The following TBX15 variants were observed in gnomAD, a reference collection of about 807,000 sequenced individuals.
TBX15 encodes the protein T-box transcription factor 15.
Under a neutral mutation model 53.9 loss-of-function variants are expected in TBX15, and 18 were observed. The ratio of observed to expected loss-of-function variants is 0.33; its 90% CI spans 0.23 to 0.49. The LOEUF is 0.49. TBX15 is among the 20% of genes least tolerant of loss of function. TBX15 has a pLI of 0.98. For missense variants in TBX15, 692 were observed against 749.5 expected (o/e 0.92, Z 0.90); for synonymous variants, 295 against 278.0 (o/e 1.06, Z -0.61).
rs954749150 is a variant in TBX15 at position 118,885,238 on chromosome 1, A to C, written c.1303T>G (p.Ser435Ala). The C allele has an allele frequency of 6.2e-7, 1 of 1,614,130 alleles. No individual in the cohort carries two copies. The highest frequency in any genetic ancestry group is 8.5e-7 in the Non-Finnish European group (1 of 1,180,046). ...QSGTTSATQP[S>A]ETFMPQRTPS... is the part of the protein sequence containing the mutation. ...GTCCTCTGAGGCATGAAGGTTTCAGAGGGCTGAGTGGCTGAAGTGGTGCCA... is the reference window on the plus strand; with the variant it reads ...GTCCTCTGAGGCATGAAGGTTTCAGCGGGCTGAGTGGCTGAAGTGGTGCCA... Residue 435 changes from serine to alanine, a missense_variant, in exon 8 of 8, where the codon TCT (serine) becomes GCT (alanine). By Grantham distance (99) the Ser-to-Ala change is moderately conservative (BLOSUM62 1). Transcript: ENST00000369429.
intron 1 of TBX15, among the ~76,000 whole-genome samples, chr1:118,945,485 G>C (rs532861587): frequency 6.6e-6 from 1 of 152,058 alleles, no homozygotes; most frequent in Non-Finnish European, 1.5e-5. Flanking sequence ...CAATCTGATA[G>C]GTCACAGGAG....
At chr1:118,940,049 T>C (rs1656118394) in intron 1 of TBX15, among the ~76,000 whole-genome samples, 1 of 151,976 alleles carries the variant, frequency 6.6e-6, no homozygotes. Context: ...CTTTTCATTA[T>C]ACTCTGTTGC....
At chr1:118,889,801 T>TA (rs1443412203) in intron 7 of TBX15, among the ~76,000 whole-genome samples, 11 of 101,656 alleles carry the variant, frequency 1.1e-4, no homozygotes, top group Admixed American at 5.1e-4. Context: ...AGGCATTAAT[T>TA]TAAAAAAAAA....
chr1:118,883,923 C>G lies in TBX15; in HGVS notation c.*809G>C, dbSNP rs1653821227. On this transcript the variant is annotated 3_prime_UTR_variant, in exon 8 of 8. Coordinates refer to ENST00000369429, the MANE Select transcript of TBX15 (RefSeq NM_001330677.2). ...CATTGCTCACACTTTCTCTGTCAGT[C>G]TTGCTCTCCACCTCGTTCCTGTTCT... 6.5e-6 allele frequency: 1 copy of G among 152,752 alleles called. No homozygotes were observed. Among genetic ancestry groups the G allele is most frequent in the African/African-American group, 2.4e-5 (1 of 41,452 alleles). The allele number at this position is 152,752 out of a possible 1,614,324, so 9.5% of individuals were successfully genotyped here.
intron 1 of TBX15, among the ~76,000 whole-genome samples, chr1:118,984,611 G>C (rs973070797): frequency 8.5e-5 from 13 of 152,216 alleles, no homozygotes; most frequent in African/African-American, 3.1e-4. Flanking sequence ...GGGAGAGCAG[G>C]CTCGAGAGCC....
intron 5 of TBX15, among the ~76,000 whole-genome samples, chr1:118,920,142 G>A (rs556625157): frequency 2.0e-5 from 3 of 152,236 alleles, no homozygotes; most frequent in South Asian, 4.1e-4. Context: ...TCCCAACTTC[G>A]TGTTTTCTAC....
At chr1:118,982,488 C>A (rs1328837310) in intron 1 of TBX15, among the ~76,000 whole-genome samples, 1 of 152,188 alleles carries the variant, frequency 6.6e-6, no homozygotes, top group African/African-American at 2.4e-5. Flanking sequence ...TTGTCCCTTT[C>A]TCCTTGTGGC....
intron 1 of TBX15, among the ~76,000 whole-genome samples, chr1:118,950,011 T>A (rs2101653716): frequency 6.6e-6 from 1 of 152,334 alleles, no homozygotes; most frequent in East Asian, 1.9e-4. Context: ...CTGAGATACA[T>A]TTGCATTTAA....
rs904567494 is a variant in TBX15 at position 118,980,347 on chromosome 1, T to C, written c.205+7244A>G. Among the ~76,000 whole-genome samples the C allele has an allele frequency of 3.9e-5, 6 of 152,120 alleles. No homozygotes were observed. In the East Asian group the frequency reaches 1.2e-3, roughly 29 times the overall value. ...CTAAAAGCTAAAAAAACTCCAAGGC[T>C]CCGGGCTAGGTCTATAATAATGACC... On this transcript the variant is annotated intron_variant, in intron 1 of 7. Coordinates refer to ENST00000369429, the MANE Select transcript of TBX15 (RefSeq NM_001330677.2).
intron 2 of TBX15, 122 bp downstream of exon 2, chr1:118,931,497 A>G (rs1193272495): frequency 2.0e-6 from 2 of 992,894 alleles, no homozygotes; most frequent in African/African-American, 1.6e-5. Context: ...AATGCAGAGA[A>G]GTGAGTGCAA....
chr1:118,920,985 G>A (rs533016370), intron 5 of TBX15, among the ~76,000 whole-genome samples: 1 of 152,002 alleles, frequency 6.6e-6, no homozygotes, highest in South Asian at 2.1e-4. Context: ...GACTAGCCTG[G>A]GCAACAAAAT....
In TBX15 at chr1:118,931,692, C is replaced by G; in HGVS notation, c.346G>C (p.Glu116Gln). ...TTCCAGAGGTCAGCACATTGCAGCT[C>G]CACCTGAATCTCCTCCATGGAAGAC... Reference protein sequence around the residue: ...AMSSMEEIQVELQCADLWKRF... With the variant: ...AMSSMEEIQVQLQCADLWKRF... Residue 116 changes from glutamate to glutamine, a missense_variant, in exon 2 of 8, where the codon GAG (glutamate) becomes CAG (glutamine). Coordinates refer to ENST00000369429, the MANE Select transcript of TBX15 (RefSeq NM_001330677.2). The G allele has an allele frequency of 6.2e-7, 1 of 1,614,088 alleles. No individual in the cohort carries two copies. Among genetic ancestry groups the G allele is most frequent in the Non-Finnish European group, 8.5e-7 (1 of 1,179,972 alleles).
chr1:118,910,046 A>T (rs536828271), intron 6 of TBX15, among the ~76,000 whole-genome samples: 101 of 152,270 alleles, frequency 6.6e-4, no homozygotes, highest in African/African-American at 2.2e-3. Flanking sequence ...AGACTCTCAT[A>T]GGCATTTGAG....
chr1:118,979,025 G>C (rs904628539), intron 1 of TBX15, among the ~76,000 whole-genome samples: 9 of 152,086 alleles, frequency 5.9e-5, no homozygotes, highest in African/African-American at 2.2e-4. Flanking sequence ...CTAGCCCCTA[G>C]GTTTACAATT....
At chr1:118,940,393 A>T (rs144212904) in intron 1 of TBX15, among the ~76,000 whole-genome samples, 1 of 151,984 alleles carries the variant, frequency 6.6e-6, no homozygotes. Flanking sequence ...ACTGAAGATC[A>T]CTGTCAATGT....
chr1:118,924,529 A>G, intron 4 of TBX15, 117 bp downstream of exon 4: 1 of 1,214,832 alleles, frequency 8.2e-7, no homozygotes. Context: ...ACTTAAAATT[A>G]CTTAAAGTGG....
At chr1:118,921,981 G>A (rs1176954458) in intron 5 of TBX15, among the ~76,000 whole-genome samples, 1 of 152,196 alleles carries the variant, frequency 6.6e-6, no homozygotes, top group African/African-American at 2.4e-5. Flanking sequence ...AGTATAGTTA[G>A]GTAACAGCTC....
At chr1:118,892,247 G>A (rs1362771022) in intron 7 of TBX15, among the ~76,000 whole-genome samples, 1 of 152,128 alleles carries the variant, frequency 6.6e-6, no homozygotes, top group Non-Finnish European at 1.5e-5. Flanking sequence ...ATAAGAACAG[G>A]CTAAACAATG....
At chr1:118,978,926 T>C (rs186365666) in intron 1 of TBX15, among the ~76,000 whole-genome samples, 25 of 152,354 alleles carry the variant, frequency 1.6e-4, no homozygotes, top group African/African-American at 6.0e-4. Flanking sequence ...CAATCTCTTG[T>C]TGGCTCAAAT....
Sources: gnomAD v4.1 joint callset for allele counts (sites outside exome capture counted in the v4.1 genomes callset) on GRCh38, gnomAD v4.1.1 for gene constraint, MANE v1.5 for transcripts, NCBI Gene and HGNC (gene_info 2026-07-23, HGNC 2026-07-21) for gene names.